Variants in RAP1GDS1 observed in about 807,000 individuals in gnomAD.
RAP1GDS1 encodes RAP1, GTP-GDP dissociation stimulator 1.
Under a neutral mutation model 71.1 loss-of-function variants are expected in RAP1GDS1, and 35 were observed. The ratio of observed to expected loss-of-function variants is 0.49; its 90% CI spans 0.38 to 0.65. The LOEUF is 0.65. Ranked by LOEUF, RAP1GDS1 falls within the 30% of genes least tolerant of loss-of-function variation. The pLI is 0.00. For synonymous variants in RAP1GDS1, 229 were observed against 243.1 expected, an observed-to-expected ratio of 0.94 and a Z score of 0.54; for missense variants, 663 against 706.1, an observed-to-expected ratio of 0.94 and a Z score of 0.69.
intron 7 of RAP1GDS1, among the ~76,000 whole-genome samples, chr4:98,413,742 G>A (rs981117154): frequency 7.2e-5 from 11 of 152,092 alleles, no homozygotes; most frequent in Admixed American, 3.3e-4. Flanking sequence ...CCCAGTAATG[G>A]GATGGCTGGG....
chr4:98,387,375 TA>T (rs1742927544), intron 5 of RAP1GDS1: 1 of 454,096 alleles, frequency 2.2e-6, no homozygotes, highest in Non-Finnish European at 4.4e-6. Context: ...ACCAATGTTT[TA>T]AACATTAAAC....
chr4:98,338,945 C>T (rs571956642), intron 2 of RAP1GDS1, among the ~76,000 whole-genome samples: 1 of 152,118 alleles, frequency 6.6e-6, no homozygotes, highest in African/African-American at 2.4e-5. Context: ...TACTTGGCAG[C>T]TTTGTTTGGA....
At chr4:98,359,155 T>A (rs938084230) in intron 4 of RAP1GDS1, among the ~76,000 whole-genome samples, 1 of 152,082 alleles carries the variant, frequency 6.6e-6, no homozygotes, top group Non-Finnish European at 1.5e-5. Context: ...CAAATTGGAC[T>A]TTTATGGAAA....
At chr4:98,379,207 A>G in intron 5 of RAP1GDS1, 44 bp downstream of exon 5, 1 of 1,509,056 alleles carries the variant, frequency 6.6e-7, no homozygotes, top group Non-Finnish European at 8.9e-7. Context: ...GGGAAAAATT[A>G]AAAATTATCT....
chr4:98,438,007 C>T (rs1394514642), intron 14 of RAP1GDS1, among the ~76,000 whole-genome samples: 3 of 152,028 alleles, frequency 2.0e-5, no homozygotes, highest in African/African-American at 4.8e-5. Context: ...TGTCAATTGT[C>T]GAGAGGAAGG....
intron 4 of RAP1GDS1, among the ~76,000 whole-genome samples, chr4:98,354,677 A>G (rs1737694257): frequency 6.6e-6 from 1 of 152,188 alleles, no homozygotes; most frequent in South Asian, 2.1e-4. Flanking sequence ...GATATACAAT[A>G]TAAAGTTCTA....
intron 4 of RAP1GDS1, among the ~76,000 whole-genome samples, chr4:98,354,899 T>C (rs1737731489): frequency 3.3e-5 from 5 of 152,196 alleles, no homozygotes; most frequent in Admixed American, 3.3e-4. Context: ...CATTACTTAA[T>C]ATAAATCATG....
intron 13 of RAP1GDS1, among the ~76,000 whole-genome samples, chr4:98,434,956 C>T (rs748187417): frequency 7.2e-5 from 11 of 152,050 alleles, no homozygotes; most frequent in Non-Finnish European, 1.5e-4. Flanking sequence ...GAATTCATCA[C>T]GAGAAGCTAA....
chr4:98,390,032 A>G (rs1243403534), intron 5 of RAP1GDS1, among the ~76,000 whole-genome samples: 2 of 152,164 alleles, frequency 1.3e-5, no homozygotes, highest in Non-Finnish European at 2.9e-5. Context: ...TTAATGATTC[A>G]TCAGCTCTGC....
chr4:98,383,131 A>G (rs764631002), intron 5 of RAP1GDS1, among the ~76,000 whole-genome samples: 2 of 151,718 alleles, frequency 1.3e-5, no homozygotes, highest in African/African-American at 4.8e-5. Flanking sequence ...TAATTAATCA[A>G]TAAATATCTC....
At chr4:98,437,458 G>A (rs771004836) in intron 14 of RAP1GDS1, among the ~76,000 whole-genome samples, 2 of 152,094 alleles carry the variant, frequency 1.3e-5, no homozygotes, top group African/African-American at 4.8e-5. Context: ...TTTTATAGCA[G>A]GCACAGGTTC....
At chr4:98,285,549 C>G (rs1241683894) in intron 1 of RAP1GDS1, among the ~76,000 whole-genome samples, 1 of 151,946 alleles carries the variant, frequency 6.6e-6, no homozygotes, top group East Asian at 1.9e-4. Context: ...GTACTGATCT[C>G]TCCAACTGAA....
At chr4:98,399,907 C>A in intron 6 of RAP1GDS1, among the ~76,000 whole-genome samples, 1 of 152,124 alleles carries the variant, frequency 6.6e-6, no homozygotes, top group South Asian at 2.1e-4. Flanking sequence ...GTAATCCCAA[C>A]ACTTTGGGAG....
At chr4:98,405,714 TAAC>T (rs1359578738) in intron 7 of RAP1GDS1, among the ~76,000 whole-genome samples, 1 of 151,982 alleles carries the variant, frequency 6.6e-6, no homozygotes, top group Non-Finnish European at 1.5e-5. Context: ...ATCTTCAAAG[TAAC>T]AACAGTTTGG....
intron 4 of RAP1GDS1, among the ~76,000 whole-genome samples, chr4:98,361,214 C>T (rs6833596): frequency 0.14 from 21,387 of 151,358 alleles, 2,196 homozygotes; most frequent in African/African-American, 0.28. Context: ...CACACACACA[C>T]ATATATATAT....
At chr4:98,402,289 C>G (rs1745537773) in intron 6 of RAP1GDS1, among the ~76,000 whole-genome samples, 1 of 152,092 alleles carries the variant, frequency 6.6e-6, no homozygotes, top group South Asian at 2.1e-4. Context: ...CCAGGCTGGT[C>G]TCAAACTCCT....
chr4:98,329,470 A>G (rs1464188673), intron 2 of RAP1GDS1, among the ~76,000 whole-genome samples: 3 of 152,192 alleles, frequency 2.0e-5, no homozygotes, highest in African/African-American at 7.2e-5. Context: ...CATTAATCTT[A>G]AAGTTATTAG....
At chr4:98,439,578 C>G (rs1488464714) in intron 14 of RAP1GDS1, among the ~76,000 whole-genome samples, 1 of 152,094 alleles carries the variant, frequency 6.6e-6, no homozygotes, top group Admixed American at 6.5e-5. Context: ...TCTTGTAGGT[C>G]CCTGAGGTTT....
intron 3 of RAP1GDS1, among the ~76,000 whole-genome samples, chr4:98,343,537 G>T (rs1429400707): frequency 6.6e-6 from 1 of 152,102 alleles, no homozygotes; most frequent in Non-Finnish European, 1.5e-5. Flanking sequence ...TTGGGTATAA[G>T]ATTCTTGAAC....
Sources: allele counts gnomAD v4.1 joint callset (sites outside exome capture counted in the v4.1 genomes callset), GRCh38; gene constraint gnomAD v4.1.1; transcripts MANE v1.5; gene names NCBI Gene and HGNC (gene_info 2026-07-23, HGNC 2026-07-21).